IL31RA: variants seen among roughly 807,000 people sequenced by gnomAD.
IL31RA encodes the protein interleukin 31 receptor A.
Under a neutral mutation model 83.7 loss-of-function variants are expected in IL31RA, and 66 were observed. The observed-to-expected ratio is 0.79, with a 90% CI of 0.65 to 0.97. The LOEUF is 0.97. Among genes scored for constraint, IL31RA ranks in the 50% least tolerant of loss-of-function variants. IL31RA has a pLI of 0.00. For synonymous variants in IL31RA, 325 were observed against 329.0 expected, an observed-to-expected ratio of 0.99 and a Z score of 0.13; for missense variants, 798 against 919.4, an observed-to-expected ratio of 0.87 and a Z score of 1.71.
intron 12 of IL31RA, among the ~76,000 whole-genome samples, chr5:55,911,084 G>A (rs746279391): frequency 8.5e-5 from 13 of 152,128 alleles, no homozygotes; most frequent in African/African-American, 1.4e-4. Flanking sequence ...AGACATACCC[G>A]GGACTGGGTA....
Position 55,917,898 on chromosome 5 carries a change from C to T in IL31RA, c.*778C>T, listed in dbSNP as rs940978541. On this transcript the variant is annotated 3_prime_UTR_variant, in exon 15 of 15. Coordinates refer to ENST00000652347, the MANE Select transcript of IL31RA (RefSeq NM_139017.7). Reference sequence around the variant, plus strand: ...ACCCAGCCTGGGAGCAGAAAGGCACCTGACATTGCAGTGGTTGTCATATAG... The same window carrying T: ...ACCCAGCCTGGGAGCAGAAAGGCACTTGACATTGCAGTGGTTGTCATATAG... 2.6e-5 allele frequency among the ~76,000 whole-genome samples: 4 copies of T among 152,208 alleles called. No homozygotes were observed. The highest frequency in any genetic ancestry group is 5.9e-5 in the Non-Finnish European group (4 of 68,038).
rs1268574189 is a variant in IL31RA, at chr5:55,922,177, A to T, written c.*5057A>T. On this transcript the variant is annotated 3_prime_UTR_variant, in exon 15 of 15. Transcript: ENST00000652347. ...TCCGAAGCACAAACAGCTCCAATCC[A>T]TGCTGGAAGAGACCCCAGGCCACAA... Among the ~76,000 whole-genome samples, 3 of 151,406 alleles carry T rather than the reference A, an allele frequency of 2.0e-5. No individual in the cohort carries two copies.
At chr5:55,842,641 C>T in the IL31RA span, among the ~76,000 whole-genome samples, 2 of 152,328 alleles carry the variant, frequency 1.3e-5, no homozygotes, top group South Asian at 2.1e-4. Context: ...ATTTTATACA[C>T]ACCTCTGACA....
At position 55,919,450 on chromosome 5, in the gene IL31RA, G is replaced by A. The variant is rs187867336; in HGVS notation, c.*2330G>A. 5.3e-5 allele frequency among the ~76,000 whole-genome samples: 8 copies of A among 152,296 alleles called. No individual in the cohort carries two copies. Among genetic ancestry groups the A allele is most frequent in the East Asian group, 3.9e-4 (2 of 5,192 alleles). ...CTCCTTCATCATCAAAGCTGGAAGC[G>A]TCTTTTGCTGGACAATTTGCAAATC... On this transcript the variant is annotated 3_prime_UTR_variant, in exon 15 of 15. Coordinates refer to ENST00000652347, the MANE Select transcript of IL31RA (RefSeq NM_139017.7).
chr5:55,882,946 C>T, intron 4 of IL31RA, 98 bp from the exon 5 acceptor site: 2 of 1,129,984 alleles, frequency 1.8e-6, no homozygotes, highest in South Asian at 1.2e-5. Context: ...TATAGCAGAC[C>T]ACAATGCACG....
chr5:55,899,063 G>A (rs1748644875), intron 7 of IL31RA, among the ~76,000 whole-genome samples: 1 of 151,962 alleles, frequency 6.6e-6, no homozygotes, highest in Non-Finnish European at 1.5e-5. Flanking sequence ...AAAATGGGTC[G>A]TCTTGAGAGA....
intron 7 of IL31RA, 32 bp from the exon 8 acceptor site, chr5:55,899,884 T>C: frequency 1.3e-6 from 2 of 1,511,760 alleles, no homozygotes; most frequent in East Asian, 2.3e-5. Flanking sequence ...TTCTTTGTTA[T>C]TGGCAATAAA....
intron 11 of IL31RA, chr5:55,908,667 T>G: frequency 6.6e-7 from 1 of 1,518,370 alleles, no homozygotes. Context: ...TAATTTGTCC[T>G]GGTTAGGCCC....
chr5:55,913,929 C>G (rs1244633014), intron 13 of IL31RA, among the ~76,000 whole-genome samples: 2 of 152,220 alleles, frequency 1.3e-5, no homozygotes, highest in African/African-American at 4.8e-5. Flanking sequence ...AGCAAGAGGC[C>G]TTCTTGCGAG....
chr5:55,868,211 A>C (rs1342401894), intron 2 of IL31RA, among the ~76,000 whole-genome samples: 1 of 152,156 alleles, frequency 6.6e-6, no homozygotes, highest in African/African-American at 2.4e-5. Context: ...GGACCCCTTA[A>C]AGATCTAGGT....
At chr5:55,863,802 C>T (rs551265081) in intron 2 of IL31RA, among the ~76,000 whole-genome samples, 10 of 152,302 alleles carry the variant, frequency 6.6e-5, no homozygotes, top group African/African-American at 2.4e-4. Flanking sequence ...TCATTGACAC[C>T]TGGTGACACT....
At chr5:55,879,717 T>TCCAAGC (rs1295161610) in intron 4 of IL31RA, among the ~76,000 whole-genome samples, 21 of 145,494 alleles carry the variant, frequency 1.4e-4, no homozygotes, top group Admixed American at 1.4e-3. Flanking sequence ...GGCATGAGCC[T>TCCAAGC]CCAAGCCCAG....
rs1207849495 is a variant in IL31RA, at chr5:55,891,711, C to G, written c.772+1576C>G. ...ATTAACTTAATCACATCTGCAAAGTCCCTTTTACCATATAAGGAAACATTT... is the reference window on the plus strand; with the variant it reads ...ATTAACTTAATCACATCTGCAAAGTGCCTTTTACCATATAAGGAAACATTT... On this transcript the variant is annotated intron_variant, in intron 6 of 14. Coordinates refer to ENST00000652347, the MANE Select transcript of IL31RA (RefSeq NM_139017.7). Among the ~76,000 whole-genome samples the G allele has an allele frequency of 4.8e-5, 7 of 146,042 alleles. No homozygotes were observed. The South Asian group carries it at 1.6e-3, about 33-fold the overall frequency.
At chr5:55,893,854 C>T (rs1748169096) in intron 6 of IL31RA, among the ~76,000 whole-genome samples, 1 of 148,524 alleles carries the variant, frequency 6.7e-6, no homozygotes, top group African/African-American at 2.5e-5. Context: ...CTCTGTCACC[C>T]AGACTGAAAT....
intron 1 of IL31RA, among the ~76,000 whole-genome samples, chr5:55,859,167 G>C (rs6886312): frequency 6.6e-6 from 1 of 152,010 alleles, no homozygotes; most frequent in Non-Finnish European, 1.5e-5. Context: ...GTTCCATTTG[G>C]CTGGAGGGCC....
At chr5:55,911,701 A>G (rs1749511760) in intron 12 of IL31RA, among the ~76,000 whole-genome samples, 1 of 152,124 alleles carries the variant, frequency 6.6e-6, no homozygotes, top group Non-Finnish European at 1.5e-5. Context: ...GGAGAAACAG[A>G]TATATATTAA....
rs776294580 is a variant in IL31RA, at chr5:55,855,531, C to A, written c.63+3898C>A. Reference sequence around the variant, plus strand: ...TGGGAAAATCACGTAGTGGTACATTCTTGTACAAGTGAAATGAGATGAAGC... The same window carrying A: ...TGGGAAAATCACGTAGTGGTACATTATTGTACAAGTGAAATGAGATGAAGC... On this transcript the variant is annotated intron_variant, in intron 1 of 14. Coordinates refer to ENST00000652347, the MANE Select transcript of IL31RA (RefSeq NM_139017.7). 6.9e-4 allele frequency among the ~76,000 whole-genome samples: 105 copies of A among 152,088 alleles called. 1 individual carries two copies. The highest frequency in any genetic ancestry group is 2.4e-4 in the Non-Finnish European group (16 of 68,030).
At position 55,919,151 on chromosome 5, in the gene IL31RA, G is replaced by A. The variant is rs765505796; in HGVS notation, c.*2031G>A. 3.9e-5 allele frequency among the ~76,000 whole-genome samples: 6 copies of A among 152,070 alleles called. No individual in the cohort carries two copies. Among genetic ancestry groups the A allele is most frequent in the Non-Finnish European group, 8.8e-5 (6 of 68,018 alleles). On this transcript the variant is annotated 3_prime_UTR_variant, in exon 15 of 15. Coordinates refer to ENST00000652347, the MANE Select transcript of IL31RA (RefSeq NM_139017.7). ...TGGGGAGATTCTAGCCTTGCCTCCTGTCTTGGCCCGAGGATGGGGGAGGGC... is the reference window on the plus strand; with the variant it reads ...TGGGGAGATTCTAGCCTTGCCTCCTATCTTGGCCCGAGGATGGGGGAGGGC...
intron 7 of IL31RA, among the ~76,000 whole-genome samples, chr5:55,896,941 C>G (rs1238358415): frequency 8.8e-5 from 6 of 68,240 alleles, no homozygotes; most frequent in Admixed American, 1.8e-4. Context: ...TTCACCTTCC[C>G]AAGTAGCTGG....
Sources: allele counts gnomAD v4.1 joint callset (sites outside exome capture counted in the v4.1 genomes callset), GRCh38; gene constraint gnomAD v4.1.1; transcripts MANE v1.5; gene names NCBI Gene and HGNC (gene_info 2026-07-23, HGNC 2026-07-21).